The following PCDH7 variants were observed in gnomAD, a reference collection of about 807,000 sequenced individuals.
PCDH7 encodes the protein protocadherin 7, also known as protocadherin-7.
Under a neutral mutation model 58.9 loss-of-function variants are expected in PCDH7, and 17 were observed. The ratio of observed to expected loss-of-function variants is 0.29; its 90% confidence interval spans 0.20 to 0.43. The LOEUF is 0.43. Ranked by LOEUF, PCDH7 falls within the 20% of genes least tolerant of loss-of-function variation. The probability of loss-of-function intolerance (pLI) is 1.00; values close to 1 mark genes in which losing one functional copy is unlikely to be tolerated. For missense variants in PCDH7, 1,274 were observed against 1,441.0 expected, an observed-to-expected ratio of 0.88 and a Z score of 1.88; for synonymous variants, 664 against 616.4, an observed-to-expected ratio of 1.08 and a Z score of -1.14.
intron 3 of PCDH7, among the ~76,000 whole-genome samples, chr4:31,006,154 G>T (rs1752753174): frequency 6.6e-6 from 1 of 152,180 alleles, no homozygotes; most frequent in South Asian, 2.1e-4. Context: ...AAATGTCATT[G>T]ATTGGTTATA....
At chr4:30,943,798 C>T (rs1178904465) in intron 2 of PCDH7, among the ~76,000 whole-genome samples, 1 of 149,660 alleles carries the variant, frequency 6.7e-6, no homozygotes, top group Non-Finnish European at 1.5e-5. Context: ...AATTTTTTTT[C>T]CAGTGTGGCC....
chr4:30,934,560 TA>T (rs1313470445), intron 2 of PCDH7, among the ~76,000 whole-genome samples: 1 of 152,144 alleles, frequency 6.6e-6, no homozygotes, highest in African/African-American at 2.4e-5. Flanking sequence ...TTCTCCATTC[TA>T]ATAATCTATT....
intron 3 of PCDH7, chr4:30,987,759 C>T (rs1176014395): frequency 1.3e-5 from 2 of 151,530 alleles, no homozygotes; most frequent in African/African-American, 4.9e-5. Flanking sequence ...CATAATAGTA[C>T]CATAAGAATA....
At chr4:31,066,709 A>C (rs1351859176) in intron 3 of PCDH7, among the ~76,000 whole-genome samples, 1 of 151,910 alleles carries the variant, frequency 6.6e-6, no homozygotes, top group Non-Finnish European at 1.5e-5. Flanking sequence ...CATGCCATTG[A>C]CACAATACTT....
At chr4:30,858,518 T>C (rs1369005695) in intron 1 of PCDH7, among the ~76,000 whole-genome samples, 2 of 152,230 alleles carry the variant, frequency 1.3e-5, no homozygotes, top group African/African-American at 4.8e-5. Flanking sequence ...TGCAAGTAAT[T>C]AAGTAAATTT....
At chr4:31,107,804 C>T (rs925671164) in intron 3 of PCDH7, among the ~76,000 whole-genome samples, 3 of 151,966 alleles carry the variant, frequency 2.0e-5, no homozygotes, top group African/African-American at 7.3e-5. Flanking sequence ...TCTATGTTAA[C>T]GTGAATAAGT....
chr4:31,100,875 A>G (rs894795229), intron 3 of PCDH7, among the ~76,000 whole-genome samples: 4 of 152,208 alleles, frequency 2.6e-5, no homozygotes, highest in Non-Finnish European at 5.9e-5. Flanking sequence ...AATTGGTTTC[A>G]TAATCTCTGG....
chr4:30,828,941 T>C (rs73123578), intron 1 of PCDH7, among the ~76,000 whole-genome samples: 1,868 of 152,216 alleles, frequency 0.012, 41 homozygotes, highest in African/African-American at 0.043. Flanking sequence ...TATAAAAGCT[T>C]TAATGGTCTG....
At chr4:30,918,979 T>A (rs1382999036) in intron 1 of PCDH7, among the ~76,000 whole-genome samples, 2 of 152,148 alleles carry the variant, frequency 1.3e-5, no homozygotes, top group Non-Finnish European at 2.9e-5. Context: ...ATTCTACTGG[T>A]CCAGGTCGTA....
intron 3 of PCDH7, among the ~76,000 whole-genome samples, chr4:30,989,156 T>C (rs547530694): frequency 1.8e-4 from 27 of 152,242 alleles, no homozygotes; most frequent in Admixed American, 1.5e-3. Flanking sequence ...GTTTTTTTTT[T>C]CCAGAAACTT....
chr4:30,798,982 G>A (rs896175017), intron 1 of PCDH7, among the ~76,000 whole-genome samples: 4 of 152,070 alleles, frequency 2.6e-5, no homozygotes, highest in African/African-American at 7.2e-5. Context: ...AGGACTCACT[G>A]TTTTCTTTTG....
chr4:31,089,985 C>A (rs1713014104), intron 3 of PCDH7, among the ~76,000 whole-genome samples: 1 of 151,870 alleles, frequency 6.6e-6, no homozygotes, highest in Non-Finnish European at 1.5e-5. Flanking sequence ...TAATAATTAC[C>A]CTTAAAGATG....
Position 31,106,940 on chromosome 4 carries a change from T to C in PCDH7, c.*8-35533T>C, listed in dbSNP as rs918459177. On this transcript the variant is annotated intron_variant, in intron 3 of 3. Transcript: ENST00000509759. ...CTTTCCTAATAATCCATTATGGTTT[T>C]CTAAGCATTACGCTCTTAACTTCTC... 7.2e-5 allele frequency among the ~76,000 whole-genome samples: 11 copies of C among 152,348 alleles called. No individual in the cohort carries two copies. In the South Asian group the frequency reaches 2.3e-3, roughly 32 times the overall value.
chr4:30,995,390 T>G (rs571038747), intron 3 of PCDH7, among the ~76,000 whole-genome samples: 1 of 152,108 alleles, frequency 6.6e-6, no homozygotes, highest in African/African-American at 2.4e-5. Context: ...CGGGCGCCTG[T>G]AGTCCCAGCT....
At chr4:31,057,324 C>T (rs969962803) in intron 3 of PCDH7, among the ~76,000 whole-genome samples, 1 of 152,080 alleles carries the variant, frequency 6.6e-6, no homozygotes, top group African/African-American at 2.4e-5. Flanking sequence ...AAGATGAAGC[C>T]ATGGTCCTAA....
chr4:31,030,717 G>A (rs1400815501), intron 3 of PCDH7, among the ~76,000 whole-genome samples: 2 of 152,072 alleles, frequency 1.3e-5, no homozygotes, highest in African/African-American at 4.8e-5. Context: ...GACAGCTACT[G>A]AATTCAACAA....
At chr4:30,908,629 G>T (rs1741311508) in intron 1 of PCDH7, among the ~76,000 whole-genome samples, 1 of 152,130 alleles carries the variant, frequency 6.6e-6, no homozygotes, top group African/African-American at 2.4e-5. Flanking sequence ...TTCTGAAATT[G>T]AGGCAGTAAT....
chr4:30,721,386 T>C lies in PCDH7; in HGVS notation c.-37T>C. 6.9e-7 allele frequency: 1 copy of C among 1,441,410 alleles called. No individual in the cohort carries two copies. The highest frequency in any genetic ancestry group is 2.1e-4 in the Middle Eastern group (1 of 4,708). 89.3% of individuals were successfully genotyped at this position (1,441,410 alleles called of 1,614,324 possible). A position where few individuals can be genotyped will look rare whatever the true frequency, so the allele number is the denominator to read the frequency against. Reference sequence around the variant, plus strand: ...GAGGAGGGGGGCGCCGAGGGGGCTGTGGTTAGAAGGAGCAGTAGCAGCAGC... The same window carrying C: ...GAGGAGGGGGGCGCCGAGGGGGCTGCGGTTAGAAGGAGCAGTAGCAGCAGC... On this transcript the variant is annotated 5_prime_UTR_variant, in exon 1 of 2. Coordinates refer to ENST00000361762, the Ensembl canonical transcript of PCDH7. This position sits in a 1 kb window ranked among gnomAD's most constrained non-coding sequence, Gnocchi z 6.7.
intron 3 of PCDH7, among the ~76,000 whole-genome samples, chr4:31,093,581 C>T (rs2109288293): frequency 7.7e-6 from 1 of 129,972 alleles, no homozygotes; most frequent in East Asian, 2.5e-4. Context: ...GTGCAAGGTG[C>T]AGTGAATTTT....
Sources: gnomAD v4.1 joint callset for allele counts (sites outside exome capture counted in the v4.1 genomes callset) on GRCh38, gnomAD v4.1.1 for gene constraint, Gnocchi (gnomAD v3.1) non-coding constraint, MANE v1.5 for transcripts, NCBI Gene and HGNC (gene_info 2026-07-23, HGNC 2026-07-21) for gene names.